LYRM4: variants seen among roughly 807,000 people sequenced by gnomAD.
LYRM4 encodes the protein LYR motif-containing protein 4.
Under a neutral mutation model 11.7 loss-of-function variants are expected in LYRM4, and 9 were observed. The ratio of observed to expected loss-of-function variants is 0.77; its 90% CI spans 0.46 to 1.34. The LOEUF is 1.34. Ranked by LOEUF, LYRM4 falls within the 40% of genes most tolerant of loss-of-function variation. The pLI, the probability that LYRM4 is intolerant of heterozygous loss-of-function variation, is 0.00. For missense variants in LYRM4, 133 were observed against 112.5 expected (o/e 1.18, Z -0.82); for synonymous variants, 42 against 40.4 (o/e 1.04, Z -0.15).
the LYRM4 span, among the ~76,000 whole-genome samples, chr6:5,073,519 T>G: frequency 6.8e-6 from 1 of 148,028 alleles, no homozygotes; most frequent in African/African-American, 2.5e-5. Flanking sequence ...TCTCTATATA[T>G]CTATATGTAT....
At chr6:5,076,237 C>T in the LYRM4 span, among the ~76,000 whole-genome samples, 2 of 151,226 alleles carry the variant, frequency 1.3e-5, no homozygotes, top group African/African-American at 2.5e-5. Flanking sequence ...TGAGCCTCTG[C>T]GCCCAGCTAT....
At chr6:5,240,078 C>T (rs1458066089) in intron 1 of LYRM4, among the ~76,000 whole-genome samples, 1 of 152,174 alleles carries the variant, frequency 6.6e-6, no homozygotes, top group Non-Finnish European at 1.5e-5. Flanking sequence ...CAAAACACCA[C>T]AGGCTTCGAA....
intron 2 of LYRM4, among the ~76,000 whole-genome samples, chr6:5,160,813 G>A (rs1451077530): frequency 1.3e-5 from 2 of 152,190 alleles, no homozygotes; most frequent in East Asian, 1.9e-4. Context: ...CACTGACCAC[G>A]AGATGCTCTC....
intron 2 of LYRM4, among the ~76,000 whole-genome samples, chr6:5,125,615 C>T (rs1263935205): frequency 6.6e-6 from 1 of 152,204 alleles, no homozygotes; most frequent in Non-Finnish European, 1.5e-5. Flanking sequence ...TTGCCACAAG[C>T]CTGCAGCTGA....
chr6:5,151,146 C>T (rs868192286), intron 2 of LYRM4, among the ~76,000 whole-genome samples: 10 of 149,782 alleles, frequency 6.7e-5, no homozygotes, highest in Non-Finnish European at 1.3e-4. Flanking sequence ...TGCAGTGGCA[C>T]GATCTTGGCT....
intron 1 of LYRM4, among the ~76,000 whole-genome samples, chr6:5,249,218 C>T (rs1202432870): frequency 1.3e-5 from 2 of 152,202 alleles, no homozygotes; most frequent in Non-Finnish European, 2.9e-5. Context: ...TTACAGATGA[C>T]ACACAGCGAG....
chr6:5,176,805 G>A (rs1038796646), intron 2 of LYRM4, among the ~76,000 whole-genome samples: 2 of 152,176 alleles, frequency 1.3e-5, no homozygotes, highest in African/African-American at 4.8e-5. Context: ...GTGTATCTCA[G>A]ATTTCTAAAA....
chr6:5,252,780 G>A (rs1207858091), intron 1 of LYRM4, among the ~76,000 whole-genome samples: 1 of 152,140 alleles, frequency 6.6e-6, no homozygotes, highest in East Asian at 1.9e-4. Context: ...AAATAAGGAT[G>A]TATTTGGAGC....
intron 1 of LYRM4, among the ~76,000 whole-genome samples, chr6:5,231,073 T>C (rs553627315): frequency 6.6e-6 from 1 of 152,300 alleles, no homozygotes; most frequent in African/African-American, 2.4e-5. Flanking sequence ...GGTTAGGAGT[T>C]CGAGAACAGT....
intron 2 of LYRM4, chr6:5,113,107 T>A: frequency 4.5e-6 from 1 of 222,378 alleles, no homozygotes; most frequent in Non-Finnish European, 9.2e-6. Context: ...AGGTGGAGAG[T>A]TGTGGCGAGG....
the LYRM4 span, among the ~76,000 whole-genome samples, chr6:5,074,409 T>C: frequency 6.7e-6 from 1 of 149,292 alleles, no homozygotes; most frequent in African/African-American, 2.5e-5. Context: ...TTTTTTTTTT[T>C]TTTTTTTTTT....
At chr6:5,204,664 C>T (rs1761587803) in intron 2 of LYRM4, among the ~76,000 whole-genome samples, 1 of 152,132 alleles carries the variant, frequency 6.6e-6, no homozygotes, top group Non-Finnish European at 1.5e-5. Flanking sequence ...ATGCTCTTTC[C>T]CCTTTCAACA....
chr6:5,187,324 C>T (rs1441458192), intron 2 of LYRM4, among the ~76,000 whole-genome samples: 1 of 152,186 alleles, frequency 6.6e-6, no homozygotes, highest in Non-Finnish European at 1.5e-5. Flanking sequence ...AAGGCCTTGT[C>T]CTTCACAAAG....
intron 2 of LYRM4, among the ~76,000 whole-genome samples, chr6:5,164,997 G>A: frequency 6.7e-6 from 1 of 149,188 alleles, no homozygotes; most frequent in African/African-American, 2.5e-5. Flanking sequence ...ATTTACTAGT[G>A]CCAAGAGAAA....
At chr6:5,224,822 T>C (rs1031306484) in intron 1 of LYRM4, among the ~76,000 whole-genome samples, 13 of 149,766 alleles carry the variant, frequency 8.7e-5, no homozygotes, top group African/African-American at 3.2e-4. Context: ...TAGCCAGGCA[T>C]GGTGATGCAT....
intron 1 of LYRM4, chr6:5,218,402 CTT>C (rs1762399662): frequency 3.0e-6 from 3 of 984,586 alleles, no homozygotes; most frequent in Middle Eastern, 5.2e-4. Flanking sequence ...TATTGGGAAA[CTT>C]TATCTTAAAA....
intron 1 of LYRM4, among the ~76,000 whole-genome samples, chr6:5,259,999 T>C (rs940099712): frequency 6.6e-6 from 1 of 152,176 alleles, no homozygotes; most frequent in African/African-American, 2.4e-5. Context: ...ATATTAAAGA[T>C]GTGAGTTTAG....
chr6:5,187,832 G>GGA lies in LYRM4; in HGVS notation c.207+28785_207+28786insTC, dbSNP rs1554136457. On this transcript the variant is annotated intron_variant, in intron 2 of 2. Coordinates refer to ENST00000330636, the MANE Select transcript of LYRM4 (RefSeq NM_020408.6). ...ATGTACAATATATATTGTGTTAGTG[G>GGA]AAAAAAAAAGAAGCTGTAAGGGAGT... is the stretch of plus-strand genomic sequence containing the variant. 5.1e-4 allele frequency among the ~76,000 whole-genome samples: 77 copies of GGA among 150,968 alleles called. 1 individual carries two copies. The South Asian group carries it at 5.4e-3, about 11-fold the overall frequency.
the LYRM4 span, among the ~76,000 whole-genome samples, chr6:5,083,040 C>CG: frequency 2.7e-3 from 407 of 151,512 alleles, 2 homozygotes; most frequent in South Asian, 0.016. Flanking sequence ...GAGAGCTCCC[C>CG]GGGGGTGGGA....
Sources: allele counts gnomAD v4.1 joint callset (sites outside exome capture counted in the v4.1 genomes callset), GRCh38; gene constraint gnomAD v4.1.1; transcripts MANE v1.5; gene names NCBI Gene and HGNC (gene_info 2026-07-23, HGNC 2026-07-21).